Variants in C12orf42 observed in about 807,000 individuals in gnomAD.
The protein encoded by C12orf42 is chromosome 12 open reading frame 42.
Under a neutral mutation model 21.6 loss-of-function variants are expected in C12orf42, and 25 were observed. The ratio of observed to expected loss-of-function variants is 1.16; its 90% CI spans 0.84 to 1.62. C12orf42 has a LOEUF of 1.62. Ranked by LOEUF, C12orf42 falls within the 40% of genes most tolerant of loss-of-function variation. C12orf42 has a pLI of 0.00. For missense variants in C12orf42, 483 were observed against 459.3 expected (o/e 1.05, Z -0.47); for synonymous variants, 174 against 175.0 (o/e 0.99, Z 0.05).
chr12:103,440,727 A>G (rs908778490), intron 2 of C12orf42, among the ~76,000 whole-genome samples: 2 of 152,094 alleles, frequency 1.3e-5, no homozygotes, highest in African/African-American at 4.8e-5. Context: ...GCCTAACTCC[A>G]TTTCAAATGA....
In C12orf42 at chr12:103,302,411, G is replaced by T. The variant is rs762250831; in HGVS notation, c.780C>A (p.Asp260Glu). 2.5e-5 allele frequency: 40 copies of T among 1,613,792 alleles called. No homozygotes were observed. In the South Asian group the frequency reaches 4.3e-4, roughly 17 times the overall value. ...ACGCGCCCAGGAGTCTGCTTTGGAT[G>T]TCGTCGGGGTGTGCCTGAGCGCCTG... The part of the protein sequence containing the change: ...VPAGAQAHPD[D>E]IQSRLLGASG... Residue 260 changes from aspartate to glutamate, a missense_variant, in exon 6 of 6, where the codon GAC becomes GAA. Physicochemically the swap from Asp to Glu is conservative, Grantham distance 45 (BLOSUM62 2). Coordinates refer to ENST00000548883, the MANE Select transcript of C12orf42 (RefSeq NM_198521.5).
At chr12:103,434,834 GC>G (rs1394657662) in intron 2 of C12orf42, among the ~76,000 whole-genome samples, 7 of 152,224 alleles carry the variant, frequency 4.6e-5, no homozygotes, top group Non-Finnish European at 7.4e-5. Context: ...AGGGGCGACT[GC>G]CGTTGCCCAG....
chr12:103,198,562 G>A, the C12orf42 span, among the ~76,000 whole-genome samples: 20 of 152,334 alleles, frequency 1.3e-4, no homozygotes, highest in South Asian at 2.5e-3. Flanking sequence ...CATGCCAAAC[G>A]ATCTGGGCTC....
chr12:103,054,196 T>A, the C12orf42 span, among the ~76,000 whole-genome samples: 9 of 151,890 alleles, frequency 5.9e-5, no homozygotes, highest in South Asian at 2.1e-4. Flanking sequence ...ATCTTCACAA[T>A]GTTAAGTCTT....
chr12:103,229,368 C>A, the C12orf42 span, among the ~76,000 whole-genome samples: 22 of 152,290 alleles, frequency 1.4e-4, no homozygotes, highest in South Asian at 4.6e-3. Context: ...GCTCTGGTTG[C>A]TTTGCTTTGA....
the C12orf42 span, among the ~76,000 whole-genome samples, chr12:103,198,301 G>A: frequency 6.6e-6 from 1 of 152,202 alleles, no homozygotes; most frequent in Non-Finnish European, 1.5e-5. Flanking sequence ...CAGAGAAGGA[G>A]CTATGACAGT....
the C12orf42 span, among the ~76,000 whole-genome samples, chr12:103,151,071 G>T: frequency 5.3e-5 from 8 of 152,118 alleles, no homozygotes; most frequent in Non-Finnish European, 1.2e-4. Flanking sequence ...GGGATTAGAG[G>T]TGCACGCCAC....
chr12:103,509,736 G>T, the C12orf42 span, among the ~76,000 whole-genome samples: 2 of 152,040 alleles, frequency 1.3e-5, no homozygotes, highest in Admixed American at 1.3e-4. Flanking sequence ...TACATGCATG[G>T]GAAGTAAAGA....
chr12:103,191,730 G>A, the C12orf42 span, among the ~76,000 whole-genome samples: 1 of 121,178 alleles, frequency 8.3e-6, no homozygotes, highest in Non-Finnish European at 1.7e-5. Flanking sequence ...GCAACAGAGT[G>A]GGACTCTGTG....
chr12:103,151,704 A>G, the C12orf42 span: 2 of 152,218 alleles, frequency 1.3e-5, no homozygotes, highest in African/African-American at 4.8e-5. Flanking sequence ...ACACTCAACC[A>G]TGGTAACAAC....
the C12orf42 span, among the ~76,000 whole-genome samples, chr12:103,197,414 A>C: frequency 6.6e-6 from 1 of 152,186 alleles, no homozygotes; most frequent in African/African-American, 2.4e-5. Flanking sequence ...TTTTAAGACC[A>C]GTTTGGGTCA....
chr12:103,052,031 T>A, the C12orf42 span, among the ~76,000 whole-genome samples: 2 of 152,256 alleles, frequency 1.3e-5, no homozygotes, highest in Non-Finnish European at 2.9e-5. Context: ...TTGTTTTGTG[T>A]AGCAATAGTT....
the C12orf42 span, among the ~76,000 whole-genome samples, chr12:103,192,904 T>C: frequency 2.0e-5 from 3 of 152,192 alleles, no homozygotes; most frequent in East Asian, 5.8e-4. Flanking sequence ...CTAACAATTA[T>C]ATACAGAACA....
the C12orf42 span, among the ~76,000 whole-genome samples, chr12:103,221,046 T>C: frequency 6.6e-6 from 1 of 152,250 alleles, no homozygotes; most frequent in Non-Finnish European, 1.5e-5. Flanking sequence ...GCAGGTTTGC[T>C]TGTAGTTTTA....
At chr12:103,521,775 T>G in the C12orf42 span, among the ~76,000 whole-genome samples, 7 of 152,352 alleles carry the variant, frequency 4.6e-5, no homozygotes, top group Admixed American at 3.9e-4. Context: ...GTCTTTGTCT[T>G]GCTTCCACTA....
chr12:103,178,441 A>G, the C12orf42 span: 1 of 152,212 alleles, frequency 6.6e-6, no homozygotes, highest in South Asian at 2.1e-4. Flanking sequence ...GGCTCGAGCC[A>G]CCAAGTCAAC....
the C12orf42 span, among the ~76,000 whole-genome samples, chr12:103,105,070 C>T: frequency 6.6e-6 from 1 of 152,170 alleles, no homozygotes; most frequent in Non-Finnish European, 1.5e-5. Context: ...AAGGATTTGT[C>T]TTATACAGAA....
At chr12:103,383,986 G>T (rs140681882) in intron 3 of C12orf42, among the ~76,000 whole-genome samples, 6 of 152,328 alleles carry the variant, frequency 3.9e-5, no homozygotes, top group African/African-American at 1.4e-4. Context: ...AGGGCAGAAA[G>T]AACTGTCTCA....
chr12:103,231,630 G>A, the C12orf42 span, among the ~76,000 whole-genome samples: 1 of 152,004 alleles, frequency 6.6e-6, no homozygotes, highest in African/African-American at 2.4e-5. Context: ...GTCTTTTGAT[G>A]GCTTGGTAGC....
Sources: gnomAD v4.1 joint callset for allele counts (sites outside exome capture counted in the v4.1 genomes callset) on GRCh38, gnomAD v4.1.1 for gene constraint, MANE v1.5 for transcripts, NCBI Gene and HGNC (gene_info 2026-07-23, HGNC 2026-07-21) for gene names.